Variants in SLC5A11 observed in about 807,000 individuals in gnomAD.
SLC5A11 encodes the protein sodium/myo-inositol cotransporter 2.
SLC5A11 carries 48 observed loss-of-function variants against 69.8 expected under a neutral mutation model. The ratio of observed to expected loss-of-function variants is 0.69; its 90% confidence interval spans 0.55 to 0.87. SLC5A11 has a LOEUF of 0.87. Among genes scored for constraint, SLC5A11 ranks in the 40% least tolerant of loss-of-function variants. The pLI is 0.00. For missense variants in SLC5A11, 784 were observed against 866.1 expected (o/e 0.91, Z 1.19); for synonymous variants, 319 against 342.4 (o/e 0.93, Z 0.75).
chr16:24,910,461 G>A lies in SLC5A11; in HGVS notation c.1806G>A (p.Thr602=), dbSNP rs151021366. ...AGTTCGAGATGGTTCAAGAAAACAC[G>A]TCTAAAACCCACAGCTGTGAGTAGC... Residue 602 remains threonine, a synonymous_variant, in exon 15 of 16, where the codon ACG becomes ACA. Coordinates refer to ENST00000347898, the Ensembl canonical transcript of SLC5A11. The A allele has an allele frequency of 1.2e-4, 191 of 1,614,010 alleles. 1 individual carries two copies. The highest frequency in any genetic ancestry group is 1.1e-3 in the East Asian group (50 of 44,886).
intron 12 of SLC5A11, among the ~76,000 whole-genome samples, chr16:24,907,557 C>T (rs1356152005): frequency 1.3e-5 from 2 of 152,082 alleles, no homozygotes; most frequent in African/African-American, 2.4e-5. Context: ...ACTAAAAATA[C>T]AAAAATTAGC....
At position 24,910,372 on chromosome 16, in the gene SLC5A11, G is replaced by A. The variant is rs770129447; in HGVS notation, c.1717G>A (p.Ala573Thr). 4 of 1,614,102 alleles carry A rather than the reference G, an allele frequency of 2.5e-6. No homozygotes were observed. In the South Asian group the frequency reaches 3.3e-5, roughly 13 times the overall value. ...CCAGAAGGAACAAGCACCACCAGCA[G>A]CTCCCTTGTCTCTTACCCTCTCTCA... Residue 573 changes from alanine (A) to threonine (T), a missense_variant, in exon 15 of 16, where the codon GCT becomes ACT. This residue lies in a region of SLC5A11 where 550 missense variants were observed against 606.4 expected (regional missense o/e 0.91). Coordinates refer to ENST00000347898, the Ensembl canonical transcript of SLC5A11.
chr16:24,896,943 T>C (rs12928887), intron 9 of SLC5A11, among the ~76,000 whole-genome samples: 3 of 44,940 alleles, frequency 6.7e-5, no homozygotes, highest in Admixed American at 3.0e-4. Flanking sequence ...ACCTCCTTCC[T>C]TTTTTTTTTT....
At chr16:24,857,274 C>T (rs565043703) in intron 1 of SLC5A11, among the ~76,000 whole-genome samples, 34 of 152,186 alleles carry the variant, frequency 2.2e-4, no homozygotes, top group African/African-American at 5.1e-4. Flanking sequence ...ATTTTCATTC[C>T]GGAATGCCCA....
chr16:24,867,363 C>T, intron 3 of SLC5A11, among the ~76,000 whole-genome samples: 1 of 152,020 alleles, frequency 6.6e-6, no homozygotes, highest in East Asian at 1.9e-4. Flanking sequence ...TGGGATCCAG[C>T]TAAAGCAGTG....
At chr16:24,875,635 G>C (rs142821360) in exon 6 of SLC5A11, 1 of 1,613,502 alleles carries the variant, frequency 6.2e-7, no homozygotes, top group Non-Finnish European at 8.5e-7. Context: ...AGGTCACCAC[G>C]ATGCCAGAAT....
intron 1 of SLC5A11, among the ~76,000 whole-genome samples, chr16:24,847,426 G>A (rs974111118): frequency 5.0e-5 from 7 of 139,344 alleles, no homozygotes; most frequent in Non-Finnish European, 9.3e-5. Flanking sequence ...TCTCTCTCTC[G>A]TTTCTTTTCT....
In SLC5A11 at chr16:24,907,182, C is replaced by G. The variant is rs1029185319; in HGVS notation, c.1265+7C>G. ...AGCTCATGATTGTGGGCAGGTAAGT[C>G]CCCACTGGGTGGGGCTGGGGCAGGG... On this transcript the variant is annotated splice_region_variant and intron_variant, in intron 12 of 15. Transcript: ENST00000347898. 3 of 1,613,666 alleles carry G rather than the reference C, an allele frequency of 1.9e-6. No individual in the cohort carries two copies. Among genetic ancestry groups the G allele is most frequent in the Non-Finnish European group, 2.5e-6 (3 of 1,179,844 alleles).
intron 1 of SLC5A11, among the ~76,000 whole-genome samples, chr16:24,849,640 G>GTTGGCA (rs1222380439): frequency 1.6e-5 from 2 of 124,550 alleles, no homozygotes; most frequent in Non-Finnish European, 3.3e-5. Context: ...GAGATGCCAC[G>GTTGGCA]TTGGCATTTG....
At chr16:24,871,993 T>TG (rs2047333262) in intron 4 of SLC5A11, among the ~76,000 whole-genome samples, 167 bp from the exon 6 acceptor site, 1 of 152,044 alleles carries the variant, frequency 6.6e-6, no homozygotes, top group South Asian at 2.1e-4. Flanking sequence ...CCATTCCCCA[T>TG]GTTAAAAAAG....
At chr16:24,911,287 C>T (rs1567714955) in intron 15 of SLC5A11, 41 bp from the exon 17 acceptor site, 1 of 1,599,778 alleles carries the variant, frequency 6.3e-7, no homozygotes, top group East Asian at 2.2e-5. Context: ...CTGGGAGATA[C>T]AGACCACCTC....
At chr16:24,861,749 A>G (rs1449496376) in intron 2 of SLC5A11, among the ~76,000 whole-genome samples, 3 of 135,760 alleles carry the variant, frequency 2.2e-5, no homozygotes, top group Non-Finnish European at 4.7e-5. Flanking sequence ...GAAAGAAAGA[A>G]AAAGAAGGAA....
chr16:24,879,931 C>T (rs151290805), intron 7 of SLC5A11, among the ~76,000 whole-genome samples: 1 of 152,042 alleles, frequency 6.6e-6, no homozygotes, highest in Non-Finnish European at 1.5e-5. Context: ...TTGATGGGCA[C>T]CTGTGTCAAT....
chr16:24,909,397 C>T (rs147229933), intron 14 of SLC5A11, among the ~76,000 whole-genome samples: 63 of 151,230 alleles, frequency 4.2e-4, no homozygotes, highest in African/African-American at 1.4e-3. Context: ...CCCAGCACTT[C>T]GGGAAGCTGA....
Position 24,910,260 on chromosome 16 carries a change from G to A in SLC5A11, c.1651-46G>A, listed in dbSNP as rs375132353. 3.4e-5 allele frequency: 54 copies of A among 1,597,418 alleles called. No homozygotes were observed. The African/African-American group carries it at 4.7e-4, about 14-fold the overall frequency. ...GTGTGAGAAAAGGATGGACAACCCC[G>A]GCCCCACCTCCACCACAAATCTCAT... On this transcript the variant is annotated intron_variant, in intron 14 of 15. Coordinates refer to ENST00000347898, the Ensembl canonical transcript of SLC5A11.
chr16:24,887,378 G>T (rs2048464203), intron 8 of SLC5A11, among the ~76,000 whole-genome samples: 1 of 152,084 alleles, frequency 6.6e-6, no homozygotes, highest in African/African-American at 2.4e-5. Context: ...ATAAAAATTG[G>T]ATCTAAAGCC....
intron 5 of SLC5A11, 47 bp downstream of exon 6, chr16:24,872,266 G>A (rs1567609940): frequency 1.2e-6 from 2 of 1,607,158 alleles, no homozygotes; most frequent in Non-Finnish European, 1.7e-6. Context: ...AGATGCTTTG[G>A]GAATCTCAGC....
In SLC5A11 at chr16:24,909,296, C is replaced by T. The variant is rs373137388; in HGVS notation, c.1650+200C>T. Among the ~76,000 whole-genome samples the T allele has an allele frequency of 3.5e-4, 53 of 152,188 alleles. No individual in the cohort carries two copies. The Middle Eastern group carries it at 0.014, about 39-fold the overall frequency. On this transcript the variant is annotated intron_variant, in intron 14 of 15. Coordinates refer to ENST00000347898, the Ensembl canonical transcript of SLC5A11. ...CACTTCTGCTTCAATTCTTAGGTCC[C>T]ATATGGAGCCCAGTATCTTCTAGAG...
chr16:24,869,816 C>G, intron 3 of SLC5A11, 85 bp from the exon 5 acceptor site: 1 of 963,346 alleles, frequency 1.0e-6, no homozygotes. Context: ...CTTCTCTGTC[C>G]CTTTGGAGCA....
Sources: allele counts gnomAD v4.1 joint callset (sites outside exome capture counted in the v4.1 genomes callset), GRCh38; gene constraint gnomAD v4.1.1; regional missense constraint gnomAD v4.1.1; transcripts MANE v1.5; gene names NCBI Gene and HGNC (gene_info 2026-07-23, HGNC 2026-07-21).